Variants in SLC6A6 observed in about 807,000 individuals in gnomAD.
SLC6A6 encodes the protein solute carrier family 6 member 6.
SLC6A6 carries 16 observed loss-of-function variants against 68.8 expected under a neutral mutation model. The observed-to-expected ratio is 0.23, with a 90% CI of 0.16 to 0.35. The LOEUF (loss-of-function observed/expected upper bound fraction) is 0.35, where lower values mean the gene tolerates loss of function less well. Among genes scored for constraint, SLC6A6 ranks in the 10% least tolerant of loss-of-function variants. SLC6A6 has a pLI of 1.00. For missense variants in SLC6A6, 474 were observed against 802.8 expected, an observed-to-expected ratio of 0.59 and a Z score of 4.95; for synonymous variants, 312 against 315.4, an observed-to-expected ratio of 0.99 and a Z score of 0.12.
intron 3 of SLC6A6, chr3:14,444,948 C>A (rs573468836): frequency 1.8e-5 from 8 of 432,570 alleles, no homozygotes; most frequent in African/African-American, 1.6e-4. Flanking sequence ...CCCTCTGCCC[C>A]TTACCACCTC....
chr3:14,447,670 G>T lies in SLC6A6; in HGVS notation c.453G>T (p.Gln151His). 1 of 1,614,250 alleles carries T rather than the reference G, an allele frequency of 6.2e-7. No individual in the cohort carries two copies. Among genetic ancestry groups the T allele is most frequent in the Non-Finnish European group, 8.5e-7 (1 of 1,180,048 alleles). Residue 151 changes from glutamine (Q) to histidine (H), a missense_variant, in exon 5 of 15, where the codon CAG becomes CAT. By Grantham distance (24) the Gln-to-His change is conservative. This residue lies in a region of SLC6A6 where 280 missense variants were observed against 533.1 expected (regional missense o/e 0.53). Transcript: ENST00000622186. ...CCTGGGCCACATACTACCTGTTCCA[G>T]TCCTTCCAGAAGGAGCTGCCCTGGG... Reference protein sequence around the residue: ...ILAWATYYLFQSFQKELPWAH... With the variant: ...ILAWATYYLFHSFQKELPWAH...
chr3:14,469,890 C>T (rs1196697728), intron 9 of SLC6A6, among the ~76,000 whole-genome samples: 1 of 152,160 alleles, frequency 6.6e-6, no homozygotes, highest in Non-Finnish European at 1.5e-5. Context: ...CCAAAGTGGA[C>T]CCTCAGATGT....
rs142695163 is a variant in SLC6A6, at chr3:14,447,805, C to T, written c.588C>T (p.Ile196=). The change falls in exon 5 of 15, where the codon ATC becomes ATT. Residue 196 remains isoleucine (I), a synonymous_variant. Coordinates refer to ENST00000622186, the MANE Select transcript of SLC6A6 (RefSeq NM_003043.6). ...CCACCAACTTCACCTCCCCTGTCATCGAGTTCTGGGAGTAAGGCCACCTCA... is the reference window on the plus strand; with the variant it reads ...CCACCAACTTCACCTCCCCTGTCATTGAGTTCTGGGAGTAAGGCCACCTCA... The part of the protein sequence containing the change: ...ISSTNFTSPV[I]EFWERNVLSL... 1.7e-5 allele frequency: 27 copies of T among 1,614,208 alleles called. No homozygotes were observed. Among genetic ancestry groups the T allele is most frequent in the South Asian group, 5.5e-5 (5 of 91,088 alleles).
intron 9 of SLC6A6, among the ~76,000 whole-genome samples, chr3:14,470,607 G>T (rs1204835507): frequency 6.6e-6 from 1 of 152,208 alleles, no homozygotes; most frequent in Non-Finnish European, 1.5e-5. Context: ...GTTGGGGGTT[G>T]TGGGGGCCCA....
In SLC6A6 at chr3:14,407,304, A is replaced by G. The variant is rs184594373; in HGVS notation, c.-54+4457A>G. On this transcript the variant is annotated intron_variant, in intron 1 of 14. Coordinates refer to ENST00000622186, the MANE Select transcript of SLC6A6 (RefSeq NM_003043.6). ...AGCTCAAGCGATCCTCCCACCTTAG[A>G]TGATTTTTAAAAAATGTTTTTTAAA... 7.9e-5 allele frequency among the ~76,000 whole-genome samples: 12 copies of G among 152,148 alleles called. No homozygotes were observed. The East Asian group carries it at 2.1e-3, about 27-fold the overall frequency.
chr3:14,484,916 A>G lies in SLC6A6; in HGVS notation c.1772A>G (p.Glu591Gly), dbSNP rs564026953. Residue 591 changes from glutamate to glycine, a missense_variant, in exon 15 of 15, where the codon GAG (glutamate) becomes GGG (glycine). Coordinates refer to ENST00000622186, the MANE Select transcript of SLC6A6 (RefSeq NM_003043.6). The stretch of plus-strand genomic sequence containing the variant: ...AGGGAACCCAACCGCTGGGCTGTGG[A>G]GCGCGAGGGAGCCACACCTTACAAC... ...TPREPNRWAVEREGATPYNSR... is the reference protein window; with the variant it reads ...TPREPNRWAVGREGATPYNSR... The G allele has an allele frequency of 1.9e-6, 3 of 1,612,294 alleles. No individual in the cohort carries two copies. The African/African-American group carries it at 4.0e-5, about 22-fold the overall frequency.
chr3:14,415,714 C>CA (rs1267567428), intron 1 of SLC6A6, among the ~76,000 whole-genome samples: 2 of 152,056 alleles, frequency 1.3e-5, no homozygotes, highest in African/African-American at 2.4e-5. Flanking sequence ...ACAACAGAAC[C>CA]CCCCCGCTCC....
chr3:14,474,835 C>T (rs1700836084), intron 10 of SLC6A6, among the ~76,000 whole-genome samples: 1 of 152,228 alleles, frequency 6.6e-6, no homozygotes, highest in Non-Finnish European at 1.5e-5. Flanking sequence ...CAGAGGCCTC[C>T]CGCTGATGTT....
At chr3:14,451,663 G>A (rs975628180) in intron 5 of SLC6A6, among the ~76,000 whole-genome samples, 4 of 152,224 alleles carry the variant, frequency 2.6e-5, no homozygotes, top group Admixed American at 6.5e-5. Context: ...GTGGGAAAGA[G>A]AGGCTGGATG....
In SLC6A6 at chr3:14,468,716, T is replaced by C. The variant is rs1424476083; in HGVS notation, c.1096+504T>C. Among the ~76,000 whole-genome samples, 2 of 152,112 alleles carry C rather than the reference T, an allele frequency of 1.3e-5. No homozygotes were observed. The highest frequency in any genetic ancestry group is 4.8e-5 in the African/African-American group (2 of 41,426). On this transcript the variant is annotated intron_variant, in intron 9 of 14. Transcript: ENST00000622186. This position sits in a 1 kb window ranked among gnomAD's most constrained non-coding sequence, Gnocchi z 4.5. ...CTGTGTCAGGCACCACCGTAGGCAC[T>C]GGGTGCAGTGTGTGGGGGGAGGGCG... is the stretch of plus-strand genomic sequence containing the variant.
At chr3:14,462,267 A>C (rs897643795) in intron 6 of SLC6A6, among the ~76,000 whole-genome samples, 2 of 152,054 alleles carry the variant, frequency 1.3e-5, no homozygotes, top group Non-Finnish European at 2.9e-5. Context: ...GTAAACCAAA[A>C]CCCATCTGAG....
intron 2 of SLC6A6, among the ~76,000 whole-genome samples, chr3:14,426,041 C>A (rs1225157835): frequency 6.6e-6 from 1 of 152,172 alleles, no homozygotes; most frequent in African/African-American, 2.4e-5. Flanking sequence ...CCAGCTGCCA[C>A]CCGGTCCGTG....
At position 14,485,166 on chromosome 3, in the gene SLC6A6, G is replaced by GTA; in HGVS notation, c.*160_*161insAT. 1.8e-6 allele frequency: 1 copy of GTA among 544,240 alleles called. No homozygotes were observed. The highest frequency in any genetic ancestry group is 3.0e-5 in the South Asian group (1 of 33,776). The allele number at this position is 544,240 out of a possible 1,614,324, so 33.7% of individuals were successfully genotyped here. A position where few individuals can be genotyped will look rare whatever the true frequency, so the allele number is the denominator to read the frequency against. On this transcript the variant is annotated 3_prime_UTR_variant, in exon 15 of 15. Coordinates refer to ENST00000622186, the MANE Select transcript of SLC6A6 (RefSeq NM_003043.6). ...TGTGGGTATGTGTGCGTGCGTGTGT[G>GTA]TGTGTGTGTGTATCGTGTGTGTGTG...
rs558269915 is a variant in SLC6A6, at chr3:14,477,890, G to A, written c.1347+548G>A. On this transcript the variant is annotated intron_variant, in intron 11 of 14. Transcript: ENST00000622186. This position sits in a 1 kb window ranked among gnomAD's most constrained non-coding sequence, Gnocchi z 4.2. ...AGGGAAGCAAAGAGCAGAAGGGAACGGGAACGTCTAAGACGTGTCTAGCAA... is the reference window on the plus strand; with the variant it reads ...AGGGAAGCAAAGAGCAGAAGGGAACAGGAACGTCTAAGACGTGTCTAGCAA... Among the ~76,000 whole-genome samples, 8 of 152,232 alleles carry A rather than the reference G, an allele frequency of 5.3e-5. No homozygotes were observed. The South Asian group carries it at 1.2e-3, about 24-fold the overall frequency.
intron 9 of SLC6A6, among the ~76,000 whole-genome samples, chr3:14,471,670 C>A (rs1238687964): frequency 6.6e-6 from 1 of 152,182 alleles, no homozygotes; most frequent in Non-Finnish European, 1.5e-5. Flanking sequence ...CAGGGAGAGC[C>A]CCACAAATGC....
At chr3:14,410,389 G>C (rs1699224322) in intron 1 of SLC6A6, among the ~76,000 whole-genome samples, 1 of 152,142 alleles carries the variant, frequency 6.6e-6, no homozygotes, top group Non-Finnish European at 1.5e-5. Context: ...AAGTGGGTGG[G>C]AGGGCAAAAC....
chr3:14,415,493 CCT>C (rs1174764522), intron 1 of SLC6A6, among the ~76,000 whole-genome samples: 1 of 152,212 alleles, frequency 6.6e-6, no homozygotes, highest in African/African-American at 2.4e-5. Flanking sequence ...GCCCTCTCCC[CCT>C]GAGACACCCA....
Position 14,480,538 on chromosome 3 carries a change from C to T in SLC6A6, c.1552-1133C>T, listed in dbSNP as rs558826460. Among the ~76,000 whole-genome samples, 150 of 152,326 alleles carry T rather than the reference C, an allele frequency of 9.8e-4. 1 individual carries two copies. Among genetic ancestry groups the T allele is most frequent in the Middle Eastern group, 6.8e-3 (2 of 294 alleles). On this transcript the variant is annotated intron_variant, in intron 13 of 14. Transcript: ENST00000622186. ...ATCTCTTGGGACTCACTCATCTGAG[C>T]CACAGCCCTACACGTAGGGACGGGA...
chr3:14,427,677 A>G (rs896377306), intron 2 of SLC6A6, among the ~76,000 whole-genome samples: 5 of 152,132 alleles, frequency 3.3e-5, no homozygotes, highest in Non-Finnish European at 7.4e-5. Context: ...GCCACCAGCA[A>G]GGTAACATTC....
Sources: gnomAD v4.1 joint callset for allele counts (sites outside exome capture counted in the v4.1 genomes callset) on GRCh38, gnomAD v4.1.1 for gene constraint, gnomAD v4.1.1 regional missense constraint, Gnocchi (gnomAD v3.1) non-coding constraint, MANE v1.5 for transcripts, NCBI Gene and HGNC (gene_info 2026-07-23, HGNC 2026-07-21) for gene names.